The following DYNC1I1 variants were observed in gnomAD, a reference collection of about 807,000 sequenced individuals.
DYNC1I1 encodes dynein cytoplasmic 1 intermediate chain 1.
In DYNC1I1, 43 loss-of-function variants were observed where a neutral mutation model predicts 86.6. The ratio of observed to expected loss-of-function variants is 0.50; its 90% CI spans 0.39 to 0.64. The LOEUF (loss-of-function observed/expected upper bound fraction) is 0.64, where lower values mean the gene tolerates loss of function less well. DYNC1I1 is among the 30% of genes least tolerant of loss of function. The probability of loss-of-function intolerance (pLI) is 0.00; values close to 1 mark genes in which losing one functional copy is unlikely to be tolerated. For synonymous variants in DYNC1I1, 262 were observed against 283.7 expected, an observed-to-expected ratio of 0.92 and a Z score of 0.77; for missense variants, 604 against 788.8, an observed-to-expected ratio of 0.77 and a Z score of 2.81.
chr7:95,806,496 A>G (rs1794704147), intron 2 of DYNC1I1, among the ~76,000 whole-genome samples: 1 of 152,170 alleles, frequency 6.6e-6, no homozygotes, highest in Non-Finnish European at 1.5e-5. Flanking sequence ...GGCTGCAGGT[A>G]GTGGAGGGTG....
intron 1 of DYNC1I1, among the ~76,000 whole-genome samples, chr7:95,793,704 T>G (rs1399725925): frequency 6.6e-6 from 1 of 152,210 alleles, no homozygotes; most frequent in Non-Finnish European, 1.5e-5. Context: ...ATTTGTGTTT[T>G]ATGCCAGTGG....
chr7:96,054,132 C>T (rs746644946), intron 14 of DYNC1I1, among the ~76,000 whole-genome samples: 26 of 152,122 alleles, frequency 1.7e-4, no homozygotes, highest in Non-Finnish European at 3.7e-4. Flanking sequence ...GCTATCCCTC[C>T]CCTAGCCCCT....
At chr7:96,064,570 C>T (rs1484041495) in intron 14 of DYNC1I1, among the ~76,000 whole-genome samples, 1 of 152,156 alleles carries the variant, frequency 6.6e-6, no homozygotes, top group Non-Finnish European at 1.5e-5. Flanking sequence ...GAGGTTACAT[C>T]TCAAGGTACC....
At chr7:95,848,523 A>G (rs530433683) in intron 5 of DYNC1I1, among the ~76,000 whole-genome samples, 32 of 152,204 alleles carry the variant, frequency 2.1e-4, no homozygotes, top group South Asian at 4.1e-4. Context: ...ACTTAACAAA[A>G]TGCTCTCCTG....
chr7:95,817,859 G>A (rs1281123589), intron 4 of DYNC1I1, among the ~76,000 whole-genome samples: 1 of 152,104 alleles, frequency 6.6e-6, no homozygotes, highest in Non-Finnish European at 1.5e-5. Context: ...AAGGGACTTT[G>A]CACTAGGACT....
At chr7:95,945,907 T>A (rs1449086210) in intron 6 of DYNC1I1, among the ~76,000 whole-genome samples, 1 of 152,098 alleles carries the variant, frequency 6.6e-6, no homozygotes, top group African/African-American at 2.4e-5. Flanking sequence ...TCAACCCAAA[T>A]GCCCATCAAT....
chr7:95,847,510 T>G (rs1212196274), intron 5 of DYNC1I1, among the ~76,000 whole-genome samples: 1 of 152,200 alleles, frequency 6.6e-6, no homozygotes, highest in Non-Finnish European at 1.5e-5. Context: ...AGACTATATT[T>G]TTTTACATAG....
chr7:95,910,576 G>A (rs114678650), intron 6 of DYNC1I1, among the ~76,000 whole-genome samples: 1 of 152,192 alleles, frequency 6.6e-6, no homozygotes, highest in Non-Finnish European at 1.5e-5. Flanking sequence ...TTTGGAGGCA[G>A]GTGTGCTGGG....
At chr7:95,931,132 G>C (rs183268103) in intron 6 of DYNC1I1, among the ~76,000 whole-genome samples, 12 of 152,066 alleles carry the variant, frequency 7.9e-5, no homozygotes, top group Admixed American at 7.9e-4. Flanking sequence ...TTTAAGTATA[G>C]AAGTAACTCA....
intron 6 of DYNC1I1, among the ~76,000 whole-genome samples, chr7:95,955,798 C>T (rs1466827145): frequency 3.3e-5 from 5 of 152,152 alleles, no homozygotes; most frequent in African/African-American, 2.4e-5. Flanking sequence ...TGAACATAGC[C>T]TACAGTAGTT....
chr7:95,787,530 T>TGA (rs1794180938), intron 1 of DYNC1I1, among the ~76,000 whole-genome samples: 2 of 152,228 alleles, frequency 1.3e-5, no homozygotes, highest in African/African-American at 4.8e-5. Context: ...AATGGAGCGT[T>TGA]GACACTTTTT....
chr7:95,819,876 C>G (rs1202563389), intron 4 of DYNC1I1, among the ~76,000 whole-genome samples: 2 of 152,088 alleles, frequency 1.3e-5, no homozygotes, highest in Non-Finnish European at 2.9e-5. Context: ...GCTCTATGTA[C>G]CCATATGGTT....
chr7:95,890,393 C>G (rs1348386379), intron 6 of DYNC1I1, among the ~76,000 whole-genome samples: 1 of 152,016 alleles, frequency 6.6e-6, no homozygotes, highest in African/African-American at 2.4e-5. Flanking sequence ...CACATGGACA[C>G]ATAGAGGGGA....
At chr7:96,101,584 A>G (rs1791137388), downstream of DYNC1I1, among the ~76,000 whole-genome samples, 1 of 152,212 alleles carries the variant, frequency 6.6e-6, no homozygotes, top group South Asian at 2.1e-4. Context: ...TCACACTGAA[A>G]TGTTATTGGA....
chr7:96,104,689 T>C (rs930042736), intron 16 of DYNC1I1, among the ~76,000 whole-genome samples: 1 of 152,166 alleles, frequency 6.6e-6, no homozygotes, highest in Admixed American at 6.5e-5. Context: ...CATATATGTA[T>C]AGGCATATTT....
chr7:95,845,115 A>AT (rs1789391092), intron 5 of DYNC1I1, among the ~76,000 whole-genome samples: 1 of 152,182 alleles, frequency 6.6e-6, no homozygotes, highest in South Asian at 2.1e-4. Flanking sequence ...CACTGTTATA[A>AT]TTTTTGCAAA....
chr7:95,972,084 C>T (rs1465156182), intron 6 of DYNC1I1, among the ~76,000 whole-genome samples: 1 of 152,118 alleles, frequency 6.6e-6, no homozygotes, highest in Non-Finnish European at 1.5e-5. Flanking sequence ...AAACACAAAC[C>T]CCTCTCTTCA....
intron 6 of DYNC1I1, among the ~76,000 whole-genome samples, chr7:95,933,357 C>CT (rs1451571907): frequency 6.6e-6 from 1 of 152,104 alleles, no homozygotes; most frequent in Non-Finnish European, 1.5e-5. Flanking sequence ...CAATGCCAGT[C>CT]TGTTTGTTCA....
intron 14 of DYNC1I1, 142 bp from the exon 15 acceptor site, chr7:96,075,915 G>A: frequency 8.5e-7 from 1 of 1,171,818 alleles, no homozygotes; most frequent in Non-Finnish European, 1.2e-6. Context: ...TCACATTAAA[G>A]CTCCGGTTCA....
Sources: allele counts gnomAD v4.1 joint callset (sites outside exome capture counted in the v4.1 genomes callset), GRCh38; gene constraint gnomAD v4.1.1; transcripts MANE v1.5; gene names NCBI Gene and HGNC (gene_info 2026-07-23, HGNC 2026-07-21).